The following SAMHD1 variants were observed in gnomAD, a reference collection of about 807,000 sequenced individuals.
SAMHD1 encodes deoxynucleoside triphosphate triphosphohydrolase SAMHD1.
SAMHD1 carries 54 observed loss-of-function variants against 79.6 expected under a neutral mutation model. The observed-to-expected ratio is 0.68, with a 90% confidence interval of 0.55 to 0.85. The LOEUF (loss-of-function observed/expected upper bound fraction) is 0.85. SAMHD1 is among the 40% of genes least tolerant of loss of function. SAMHD1 has a pLI of 0.00. For missense variants in SAMHD1, 663 were observed against 782.7 expected, an observed-to-expected ratio of 0.85 and a Z score of 1.82; for synonymous variants, 260 against 264.1, an observed-to-expected ratio of 0.98 and a Z score of 0.15.
At position 36,905,591 on chromosome 20, in the gene SAMHD1, A is replaced by C. The variant is rs2063400292; in HGVS notation, c.1271-88T>G. On this transcript the variant is annotated intron_variant, in intron 11 of 15. Transcript: ENST00000646673. ...GTGCTATTCTATTGAAATGATCTTA[A>C]CAGGCAGTTCGCAAATGTAGGTACA... 6 of 1,178,620 alleles carry C rather than the reference A, an allele frequency of 5.1e-6. No homozygotes were observed. The Admixed American group carries it at 9.5e-5, about 19-fold the overall frequency. The allele number at this position is 1,178,620 out of a possible 1,614,324, so 73.0% of individuals were successfully genotyped here.
chr20:36,910,512 A>G (rs957976952), intron 11 of SAMHD1, among the ~76,000 whole-genome samples: 3 of 151,958 alleles, frequency 2.0e-5, no homozygotes, highest in African/African-American at 7.3e-5. Flanking sequence ...GGTGGATCAC[A>G]TGAGGTCAGG....
chr20:36,898,544 C>T lies in SAMHD1; in HGVS notation c.1504G>A (p.Val502Ile), dbSNP rs750656746. The T allele has an allele frequency of 3.7e-6, 6 of 1,610,294 alleles. No homozygotes were observed. The Admixed American group carries it at 1.0e-4, about 27-fold the overall frequency. The stretch of plus-strand genomic sequence containing the variant: ...TGCATTCCATAATCCATGTTGATAA[C>T]CTAAATAAAAGCAATTCACAAGTAA... Reference protein sequence around the residue: ...KLKAEDFIVDVINMDYGMQEK... With the variant: ...KLKAEDFIVDIINMDYGMQEK... The change falls in exon 14 of 16, where the codon GTT becomes ATT. Residue 502 changes from valine (V) to isoleucine (I), a missense_variant and splice_region_variant. By Grantham distance (29) the Val-to-Ile change is conservative. Coordinates refer to ENST00000646673, the MANE Select transcript of SAMHD1 (RefSeq NM_015474.4).
At chr20:36,897,712 TAACCA>T in intron 15 of SAMHD1, 105 bp downstream of exon 15, 3 of 1,241,952 alleles carry the variant, frequency 2.4e-6, no homozygotes, top group Non-Finnish European at 3.5e-6. Flanking sequence ...TTCAAAACCA[TAACCA>T]AATGACTATA....
intron 6 of SAMHD1, among the ~76,000 whole-genome samples, chr20:36,924,540 G>A (rs2063525633): frequency 6.6e-6 from 1 of 152,118 alleles, no homozygotes; most frequent in Non-Finnish European, 1.5e-5. Flanking sequence ...ATTAGTTAGT[G>A]ATTGGCTACA....
In SAMHD1 at chr20:36,893,222, G is replaced by C. The variant is rs139005678; in HGVS notation, c.1747-156C>G. 6,041 of 855,800 alleles carry C rather than the reference G, an allele frequency of 7.1e-3. 36 individuals are homozygous for C. The highest frequency in any genetic ancestry group is 0.012 in the South Asian group (757 of 64,758). 53.0% of individuals were successfully genotyped at this position (855,800 alleles called of 1,614,324 possible). A position where few individuals can be genotyped will look rare whatever the true frequency, so the allele number is the denominator to read the frequency against. ...GGAAACTCCAAATTACATATGCCCT[G>C]TGCTTGGGGCAAATTAGAAACACTA... On this transcript the variant is annotated intron_variant, in intron 15 of 15. Transcript: ENST00000646673.
At position 36,893,005 on chromosome 20, in the gene SAMHD1, G is replaced by A. The variant is rs1317411077; in HGVS notation, c.1808C>T (p.Ser603Leu). Residue 603 changes from serine to leucine, a missense_variant, in exon 16 of 16, where the codon TCA becomes TTA. Physicochemically the swap from Ser to Leu is moderately radical, Grantham distance 145. Transcript: ENST00000646673. Reference sequence around the variant, plus strand: ...TCGGAGGCGAGTTGGATTTTGGACTGAAGTACTGTCGTTCCATTCCTTTTT... The same window carrying A: ...TCGGAGGCGAGTTGGATTTTGGACTAAAGTACTGTCGTTCCATTCCTTTTT... Reference protein sequence around the residue: ...PQKKEWNDSTSVQNPTRLREA... With the variant: ...PQKKEWNDSTLVQNPTRLREA... 1 of 1,614,098 alleles carries A rather than the reference G, an allele frequency of 6.2e-7. No individual in the cohort carries two copies. The highest frequency in any genetic ancestry group is 1.7e-5 in the Admixed American group (1 of 59,994).
chr20:36,890,437 T>TTCCTTCCTTCCC lies in SAMHD1; in HGVS notation c.*2483_*2494dup, dbSNP rs1601105624. ...TTCTTTCTTTTCTTTCTCTCTTTCC[T>TTCCTTCCTTCCC]TCCTTCCTTCCCTCCTTCCTTCCTT... On this transcript the variant is annotated 3_prime_UTR_variant, in exon 16 of 16. Transcript: ENST00000646673. 1.3e-5 allele frequency: 2 copies of TTCCTTCCTTCCC among 151,260 alleles called. No homozygotes were observed. The highest frequency in any genetic ancestry group is 4.2e-4 in the South Asian group (2 of 4,756). 9.4% of individuals were successfully genotyped at this position (151,260 alleles called of 1,614,324 possible). A position where few individuals can be genotyped will look rare whatever the true frequency, so the allele number is the denominator to read the frequency against.
chr20:36,919,249 A>G (rs1052235884), intron 7 of SAMHD1, 115 bp downstream of exon 7: 5 of 947,492 alleles, frequency 5.3e-6, no homozygotes, highest in Non-Finnish European at 6.6e-6. Context: ...GAAACATAGA[A>G]CTCATATTTT....
At chr20:36,946,464 G>C (rs947213059) in intron 2 of SAMHD1, 1 of 370,794 alleles carries the variant, frequency 2.7e-6, no homozygotes, top group Non-Finnish European at 5.0e-6. Flanking sequence ...GTGGGCACCT[G>C]TAATCCTAGC....
At chr20:36,942,073 G>A (rs1192213948) in intron 2 of SAMHD1, among the ~76,000 whole-genome samples, 1 of 152,056 alleles carries the variant, frequency 6.6e-6, no homozygotes, top group Non-Finnish European at 1.5e-5. Flanking sequence ...AACTAACCCC[G>A]TGACCACTTA....
chr20:36,942,347 G>A (rs1329116821), intron 2 of SAMHD1, among the ~76,000 whole-genome samples: 2 of 152,106 alleles, frequency 1.3e-5, no homozygotes, highest in Non-Finnish European at 2.9e-5. Flanking sequence ...GAACCCGGGA[G>A]GCGGAGATTG....
At chr20:36,921,362 C>T (rs979622340) in intron 6 of SAMHD1, among the ~76,000 whole-genome samples, 7 of 114,584 alleles carry the variant, frequency 6.1e-5, no homozygotes, top group Middle Eastern at 9.8e-3. Context: ...CACTGCACTA[C>T]AGGCTGGGCG....
chr20:36,895,052 T>A (rs1990173058), intron 15 of SAMHD1, among the ~76,000 whole-genome samples: 1 of 152,058 alleles, frequency 6.6e-6, no homozygotes, highest in Admixed American at 6.6e-5. Context: ...GCCAACTTTT[T>A]AATTTCTACT....
At position 36,916,725 on chromosome 20, in the gene SAMHD1, A is replaced by C. The variant is rs1361318882; in HGVS notation, c.1059T>G (p.Asp353Glu). The C allele has an allele frequency of 6.2e-7, 1 of 1,608,522 alleles. No individual in the cohort carries two copies. Among genetic ancestry groups the C allele is most frequent in the South Asian group, 1.1e-5 (1 of 90,946 alleles). ...VDNELRICAR[D>E]KEVGNLYDMF... ...TGCCTCCTCTGGCACAGCTTACCTTATCTCTAGCACAAATACGCAACTCAT... is the reference window on the plus strand; with the variant it reads ...TGCCTCCTCTGGCACAGCTTACCTTCTCTCTAGCACAAATACGCAACTCAT... The change falls in exon 9 of 16, where the codon GAT becomes GAG. Residue 353 changes from aspartate (D) to glutamate (E), a missense_variant. By Grantham distance (45) the Asp-to-Glu change is conservative. Transcript: ENST00000646673.
intron 3 of SAMHD1, chr20:36,940,566 GCA>G: frequency 5.2e-6 from 1 of 192,200 alleles, no homozygotes; most frequent in Non-Finnish European, 1.1e-5. Context: ...AGGTGTGGTG[GCA>G]TGCACCCATA....
In SAMHD1 at chr20:36,905,474, T is replaced by C. The variant is rs200535524; in HGVS notation, c.1300A>G (p.Thr434Ala). ...DNIFLEILYS[T>A]DPKLKDAREI... ...CGTGCGTCTTTCAATTTGGGATCAG[T>C]AGAGTATAAAATCTCCAGAAAAATG... The change falls in exon 12 of 16, where the codon ACT (threonine) becomes GCT (alanine). Residue 434 changes from threonine (T) to alanine (A), a missense_variant. Coordinates refer to ENST00000646673, the MANE Select transcript of SAMHD1 (RefSeq NM_015474.4). The C allele has an allele frequency of 4.8e-5, 78 of 1,611,998 alleles. No individual in the cohort carries two copies. Among genetic ancestry groups the C allele is most frequent in the Non-Finnish European group, 5.9e-6 (7 of 1,178,224 alleles).
At chr20:36,914,761 C>G (rs1034566181) in intron 9 of SAMHD1, among the ~76,000 whole-genome samples, 6 of 151,546 alleles carry the variant, frequency 4.0e-5, no homozygotes, top group African/African-American at 1.2e-4. Flanking sequence ...AATACCAGCA[C>G]TTTGGGAGGC....
chr20:36,946,706 G>C (rs1460282290), intron 2 of SAMHD1, 32 bp downstream of exon 2: 3 of 1,542,812 alleles, frequency 1.9e-6, no homozygotes, highest in East Asian at 2.3e-5. Context: ...AGTGTGTTTG[G>C]TTATAACGTG....
At chr20:36,946,172 G>A (rs529774888) in intron 2 of SAMHD1, among the ~76,000 whole-genome samples, 31 of 152,072 alleles carry the variant, frequency 2.0e-4, no homozygotes, top group African/African-American at 7.5e-4. Context: ...CAGCACTCTG[G>A]GAGGCTGAGG....
Sources: allele counts gnomAD v4.1 joint callset (sites outside exome capture counted in the v4.1 genomes callset), GRCh38; gene constraint gnomAD v4.1.1; transcripts MANE v1.5; gene names NCBI Gene and HGNC (gene_info 2026-07-23, HGNC 2026-07-21).